Variants in AMDHD1 observed in about 807,000 individuals in gnomAD.
AMDHD1 encodes probable imidazolonepropionase.
AMDHD1 carries 45 observed loss-of-function variants against 44.1 expected under a neutral mutation model. That is an observed-to-expected ratio of 1.02 (90% confidence interval 0.80 to 1.31). The LOEUF (loss-of-function observed/expected upper bound fraction) is 1.31, where lower values mean the gene tolerates loss of function less well. Among genes scored for constraint, AMDHD1 ranks in the 50% most tolerant of loss-of-function variants. The probability of loss-of-function intolerance (pLI) is 0.00; values close to 1 mark genes in which losing one functional copy is unlikely to be tolerated. For missense variants in AMDHD1, 586 were observed against 552.1 expected, an observed-to-expected ratio of 1.06 and a Z score of -0.61; for synonymous variants, 206 against 205.0, an observed-to-expected ratio of 1.00 and a Z score of -0.04.
intron 6 of AMDHD1, among the ~76,000 whole-genome samples, chr12:95,963,497 C>G (rs995948952): frequency 1.3e-5 from 2 of 152,140 alleles, no homozygotes; most frequent in Non-Finnish European, 2.9e-5. Context: ...TACTTCAGTG[C>G]TTTTCTCAAA....
chr12:95,943,489 C>T lies in AMDHD1; in HGVS notation c.91C>T (p.Leu31=). 6.7e-7 allele frequency: 1 copy of T among 1,500,072 alleles called. No homozygotes were observed. The highest frequency in any genetic ancestry group is 8.9e-7 in the Non-Finnish European group (1 of 1,128,850). 92.9% of individuals were successfully genotyped at this position (1,500,072 alleles called of 1,614,324 possible). ...RGERFLARDA[L]RSLAVLEGAS... ...CGAGCGCTTCCTGGCGCGGGATGCG[C>T]TGCGCAGCCTGGCGGTGCTGGAAGG... is the stretch of plus-strand genomic sequence containing the variant. The change falls in exon 1 of 9, where the codon CTG becomes TTG. Residue 31 remains leucine (L), a synonymous_variant. Coordinates refer to ENST00000266736, the MANE Select transcript of AMDHD1 (RefSeq NM_152435.3).
chr12:95,947,948 A>T, intron 1 of AMDHD1, among the ~76,000 whole-genome samples: 1 of 122,842 alleles, frequency 8.1e-6, no homozygotes, highest in African/African-American at 3.1e-5. Flanking sequence ...TGGGGGGGTC[A>T]GCCCCCCGCC....
rs1482230196 is a variant in AMDHD1, at chr12:95,958,814, G to T, written c.588-1584G>T. Among the ~76,000 whole-genome samples the T allele has an allele frequency of 2.0e-5, 3 of 152,198 alleles. No individual in the cohort carries two copies. In the East Asian group the frequency reaches 5.8e-4, roughly 29 times the overall value. ...CACATACCTGTAATCCCAGCACTTT[G>T]GGGGGCCGAGGCGGGTGGATCACCT... On this transcript the variant is annotated intron_variant, in intron 4 of 8. Transcript: ENST00000266736.
chr12:95,963,471 A>C (rs959282207), intron 6 of AMDHD1, among the ~76,000 whole-genome samples: 1 of 152,218 alleles, frequency 6.6e-6, no homozygotes, highest in Non-Finnish European at 1.5e-5. Flanking sequence ...AACTTTTAGA[A>C]GGGCGAAGAA....
chr12:95,944,999 C>T lies in AMDHD1; in HGVS notation c.137+1464C>T, dbSNP rs112926407. On this transcript the variant is annotated intron_variant, in intron 1 of 8. Coordinates refer to ENST00000266736, the MANE Select transcript of AMDHD1 (RefSeq NM_152435.3). ...AAATACAAACATTAGCCGGGCATGGCGGCGCACGTCTGTAATCCCAGCTAC... is the reference window on the plus strand; with the variant it reads ...AAATACAAACATTAGCCGGGCATGGTGGCGCACGTCTGTAATCCCAGCTAC... Among the ~76,000 whole-genome samples the T allele has an allele frequency of 3.4e-3, 494 of 147,244 alleles. 3 individuals are homozygous for T. Among genetic ancestry groups the T allele is most frequent in the African/African-American group, 0.011 (453 of 40,048 alleles).
chr12:95,964,891 C>T (rs1208465218), intron 6 of AMDHD1, among the ~76,000 whole-genome samples: 3 of 111,142 alleles, frequency 2.7e-5, no homozygotes, highest in Non-Finnish European at 5.0e-5. Context: ...ATTCTTGGGC[C>T]TTCAAGATTT....
intron 5 of AMDHD1, 37 bp from the exon 6 acceptor site, chr12:95,962,318 T>C: frequency 6.3e-7 from 1 of 1,584,236 alleles, no homozygotes; most frequent in Non-Finnish European, 8.6e-7. Context: ...GTTGTTGCTA[T>C]TTGTTAAATC....
intron 1 of AMDHD1, among the ~76,000 whole-genome samples, chr12:95,945,121 G>A (rs973184380): frequency 3.3e-5 from 5 of 152,162 alleles, no homozygotes; most frequent in African/African-American, 9.7e-5. Context: ...GTGACAGAGC[G>A]AGACTCTGTC....
chr12:95,959,010 A>T (rs2080566204), intron 4 of AMDHD1, among the ~76,000 whole-genome samples: 1 of 152,108 alleles, frequency 6.6e-6, no homozygotes, highest in East Asian at 1.9e-4. Context: ...AGCCGAGATC[A>T]TGCCATTGCA....
At chr12:95,966,548 C>T (rs961880411) in intron 8 of AMDHD1, 40 bp downstream of exon 8, 48 of 1,610,628 alleles carry the variant, frequency 3.0e-5, no homozygotes, top group Non-Finnish European at 4.0e-5. Context: ...ATTATGCCCA[C>T]TGAAGTATGC....
rs1293538636 is a variant in AMDHD1 at position 95,943,481 on chromosome 12, G to C, written c.83G>C (p.Arg28Pro). ...GCCCGCGGCGAGCGCTTCCTGGCGC[G>C]GGATGCGCTGCGCAGCCTGGCGGTG... ...VCARGERFLARDALRSLAVLE... is the reference protein window; with the variant it reads ...VCARGERFLAPDALRSLAVLE... Residue 28 changes from arginine to proline, a missense_variant, in exon 1 of 9, where the codon CGG (arginine) becomes CCG (proline). Transcript: ENST00000266736. 6.7e-6 allele frequency: 10 copies of C among 1,502,476 alleles called. No individual in the cohort carries two copies. In the African/African-American group the frequency reaches 1.2e-4, roughly 17 times the overall value. 93.1% of individuals were successfully genotyped at this position (1,502,476 alleles called of 1,614,324 possible).
At position 95,949,796 on chromosome 12, in the gene AMDHD1, TA is replaced by T. The variant is rs1043423728; in HGVS notation, c.138-2914del. Among the ~76,000 whole-genome samples the T allele has an allele frequency of 7.9e-5, 12 of 152,130 alleles. 1 individual carries two copies. The highest frequency in any genetic ancestry group is 2.9e-4 in the African/African-American group (12 of 41,420). ...ATCTTTGTAATTTTAATGACTACCT[TA>T]AAAAAACACTTTTGGGGGAATGCTT... On this transcript the variant is annotated intron_variant, in intron 1 of 8. Transcript: ENST00000266736.
chr12:95,963,373 C>T (rs2080592616), intron 6 of AMDHD1, among the ~76,000 whole-genome samples: 2 of 151,758 alleles, frequency 1.3e-5, no homozygotes, highest in Admixed American at 1.3e-4. Flanking sequence ...CTAAACAGTC[C>T]TCATTGCACA....
Position 95,956,894 on chromosome 12 carries a change from T to C in AMDHD1, c.519T>C (p.Ile173=). 6.2e-7 allele frequency: 1 copy of C among 1,613,762 alleles called. No individual in the cohort carries two copies. Among genetic ancestry groups the C allele is most frequent in the Non-Finnish European group, 8.5e-7 (1 of 1,180,020 alleles). Residue 173 remains isoleucine, a synonymous_variant, in exon 4 of 9, where the codon ATT becomes ATC. Coordinates refer to ENST00000266736, the MANE Select transcript of AMDHD1 (RefSeq NM_152435.3). ...CCGAGCTCAAGATGCTGCGCGTGAT[T>C]GAGCGCGCCCGGCGGGAGCTGGACA... ...LETELKMLRV[I]ERARRELDIG... is the part of the protein sequence containing the mutation.
At chr12:95,950,517 C>T (rs115877305) in intron 1 of AMDHD1, among the ~76,000 whole-genome samples, 2,237 of 152,306 alleles carry the variant, frequency 0.015, 47 homozygotes, top group African/African-American at 0.051. Context: ...GTGACCAAGA[C>T]CTAAATTAAT....
chr12:95,963,272 CAG>C (rs1214730777), intron 6 of AMDHD1, among the ~76,000 whole-genome samples: 2 of 152,288 alleles, frequency 1.3e-5, no homozygotes, highest in East Asian at 1.9e-4. Flanking sequence ...TTTTGTCCCT[CAG>C]GGGACATTTG....
At chr12:95,948,300 G>A (rs1310972043) in intron 1 of AMDHD1, among the ~76,000 whole-genome samples, 3,024 of 63,240 alleles carry the variant, frequency 0.048, no homozygotes, top group South Asian at 0.058. Context: ...CGCCTCGTCC[G>A]GGAGGGAGGT....
chr12:95,962,327 T>G, intron 5 of AMDHD1, 28 bp from the exon 6 acceptor site: 1 of 1,595,326 alleles, frequency 6.3e-7, no homozygotes, highest in Non-Finnish European at 8.5e-7. Context: ...ATTTGTTAAA[T>G]CTTTCCCTCT....
Position 95,960,630 on chromosome 12 carries a change from T to A in AMDHD1, c.813+7T>A, listed in dbSNP as rs756140324. On this transcript the variant is annotated splice_region_variant and intron_variant, in intron 5 of 8. Transcript: ENST00000266736. ...CCCGATGAAGGCTGCTGAGGTGTGG[T>A]TGACTTTTAGTTTTTCCCTCGTCAA... is the stretch of plus-strand genomic sequence containing the variant. The A allele has an allele frequency of 6.2e-7, 1 of 1,609,334 alleles. No homozygotes were observed. The highest frequency in any genetic ancestry group is 1.3e-5 in the African/African-American group (1 of 74,744).
Sources: gnomAD v4.1 joint callset for allele counts (sites outside exome capture counted in the v4.1 genomes callset) on GRCh38, gnomAD v4.1.1 for gene constraint, MANE v1.5 for transcripts, NCBI Gene and HGNC (gene_info 2026-07-23, HGNC 2026-07-21) for gene names.